PTPRS: variants seen among roughly 807,000 people sequenced by gnomAD.
PTPRS encodes the protein receptor-type tyrosine-protein phosphatase S.
A neutral mutation model predicts 215.3 loss-of-function variants in PTPRS; 63 were observed. The observed-to-expected ratio is 0.29, with a 90% CI of 0.24 to 0.36. The LOEUF (loss-of-function observed/expected upper bound fraction) is 0.36, where lower values mean the gene tolerates loss of function less well. PTPRS is among the 10% of genes least tolerant of loss of function. The pLI is 1.00. For synonymous variants in PTPRS, 1,404 were observed against 1,191.4 expected, an observed-to-expected ratio of 1.18 and a Z score of -3.68; for missense variants, 2,258 against 2,825.8, an observed-to-expected ratio of 0.80 and a Z score of 4.56.
chr19:5,228,772 T>C (rs1444263740), intron 16 of PTPRS, among the ~76,000 whole-genome samples: 1 of 152,236 alleles, frequency 6.6e-6, no homozygotes, highest in Non-Finnish European at 1.5e-5. Flanking sequence ...AATTCCTCTC[T>C]GGTTTAAAGC....
intron 16 of PTPRS, among the ~76,000 whole-genome samples, chr19:5,226,760 T>A (rs563942440): frequency 6.9e-6 from 1 of 145,966 alleles, no homozygotes; most frequent in Admixed American, 6.7e-5. Flanking sequence ...AATAAATAAA[T>A]AAACTGTATA....
Position 5,226,740 on chromosome 19 carries a change from CTG to C in PTPRS, c.2377-898_2377-897del, listed in dbSNP as rs879796187. On this transcript the variant is annotated intron_variant, in intron 16 of 37. Transcript: ENST00000262963. ...CTCCAGCCTGGGTGACAGAGCAAGA[CTG>C]TCTCAAAAATAAATAAATAAACTGT... 2.0e-4 allele frequency among the ~76,000 whole-genome samples: 30 copies of C among 148,560 alleles called. 1 individual carries two copies. Among genetic ancestry groups the C allele is most frequent in the Admixed American group, 5.3e-4 (8 of 15,142 alleles).
At chr19:5,262,432 T>A (rs2046073317) in intron 6 of PTPRS, among the ~76,000 whole-genome samples, 1 of 152,164 alleles carries the variant, frequency 6.6e-6, no homozygotes. Context: ...CTCACTTTAG[T>A]ATGAATTAGT....
intron 1 of PTPRS, among the ~76,000 whole-genome samples, chr19:5,323,041 G>A (rs533314104): frequency 6.6e-6 from 1 of 152,254 alleles, no homozygotes; most frequent in Admixed American, 6.5e-5. Flanking sequence ...TGGTAGAGGA[G>A]GAGAGAAGCA....
chr19:5,289,436 A>G (rs1274750912), intron 1 of PTPRS, among the ~76,000 whole-genome samples: 2 of 152,112 alleles, frequency 1.3e-5, no homozygotes, highest in Non-Finnish European at 2.9e-5. Context: ...ACCAGAAAGC[A>G]TCTGCAAGCA....
rs147597623 is a variant in PTPRS at position 5,278,004 on chromosome 19, A to G, written c.92-3660T>C. 8.5e-4 allele frequency: 1,089 copies of G among 1,278,494 alleles called. 4 individuals carry two copies. The African/African-American group carries it at 0.013, about 15-fold the overall frequency. 79.2% of individuals were successfully genotyped at this position (1,278,494 alleles called of 1,614,324 possible). ...CAAGGAGCTGGAAGTGCTGATGTGCAACAAATCTCCCTGTGCTGAGATCGC... is the reference window on the plus strand; with the variant it reads ...CAAGGAGCTGGAAGTGCTGATGTGCGACAAATCTCCCTGTGCTGAGATCGC... On this transcript the variant is annotated intron_variant, in intron 2 of 37. Transcript: ENST00000262963.
chr19:5,322,238 C>T (rs576776709), intron 1 of PTPRS, among the ~76,000 whole-genome samples: 1 of 152,338 alleles, frequency 6.6e-6, no homozygotes, highest in Admixed American at 6.5e-5. Context: ...GCTGGAGTAT[C>T]CACAGTGACA....
At chr19:5,253,940 T>G (rs1395381143) in intron 9 of PTPRS, among the ~76,000 whole-genome samples, 1 of 152,190 alleles carries the variant, frequency 6.6e-6, no homozygotes, top group Non-Finnish European at 1.5e-5. Flanking sequence ...ACTGTTCAGA[T>G]GAGGAAGTGG....
chr19:5,296,925 G>C (rs557983832), intron 1 of PTPRS, among the ~76,000 whole-genome samples: 2 of 152,210 alleles, frequency 1.3e-5, no homozygotes, highest in African/African-American at 4.8e-5. Context: ...GGCTGGACTG[G>C]GTAGAGGATG....
intron 30 of PTPRS, among the ~76,000 whole-genome samples, chr19:5,213,182 C>T (rs2041085684): frequency 6.6e-6 from 1 of 152,218 alleles, no homozygotes; most frequent in Non-Finnish European, 1.5e-5. Context: ...CTAGACCTAT[C>T]ACCACCCTCT....
intron 4 of PTPRS, among the ~76,000 whole-genome samples, chr19:5,271,898 T>C (rs143125001): frequency 6.6e-6 from 1 of 152,052 alleles, no homozygotes; most frequent in Non-Finnish European, 1.5e-5. Flanking sequence ...CTAATTTTTG[T>C]ATTTTTAGTA....
At chr19:5,233,234 C>T (rs942402709) in intron 13 of PTPRS, among the ~76,000 whole-genome samples, 5 of 151,596 alleles carry the variant, frequency 3.3e-5, no homozygotes, top group South Asian at 2.1e-4. Context: ...AGCAACAGAG[C>T]TCTATTAGAC....
chr19:5,280,832 C>T (rs1319545847), intron 2 of PTPRS, among the ~76,000 whole-genome samples: 1 of 151,546 alleles, frequency 6.6e-6, no homozygotes, highest in Non-Finnish European at 1.5e-5. Context: ...CGCTCTGTTG[C>T]CCAGGCTGGA....
rs980813722 is a variant in PTPRS, at chr19:5,257,462, C to A, written c.706+555G>T. On this transcript the variant is annotated intron_variant, in intron 8 of 37. Transcript: ENST00000262963. This position sits in a 1 kb window ranked among gnomAD's most constrained non-coding sequence, Gnocchi z 4.4. ...GTCATTAGGAAGAGGCAGAAGGCGC[C>A]GGGCTCCGGACCAGCTGGTGGGGGG... is the stretch of plus-strand genomic sequence containing the variant. 6.6e-6 allele frequency: 3 copies of A among 457,750 alleles called. No homozygotes were observed. Among genetic ancestry groups the A allele is most frequent in the Non-Finnish European group, 1.3e-5 (3 of 227,786 alleles). The allele number at this position is 457,750 out of a possible 1,614,324, so 28.4% of individuals were successfully genotyped here. A position where few individuals can be genotyped will look rare whatever the true frequency, so the allele number is the denominator to read the frequency against.
At chr19:5,312,602 A>T (rs2049742540) in intron 1 of PTPRS, among the ~76,000 whole-genome samples, 1 of 152,240 alleles carries the variant, frequency 6.6e-6, no homozygotes, top group Non-Finnish European at 1.5e-5. Flanking sequence ...TGGAGGCGGC[A>T]GTGAGCTATG....
chr19:5,326,591 C>T (rs921385779), intron 1 of PTPRS, among the ~76,000 whole-genome samples: 5 of 151,622 alleles, frequency 3.3e-5, no homozygotes, highest in Admixed American at 6.6e-5. Flanking sequence ...GAGGCTGAGG[C>T]GGGAGGATCG....
chr19:5,313,216 C>T (rs2049765164), intron 1 of PTPRS, among the ~76,000 whole-genome samples: 1 of 152,208 alleles, frequency 6.6e-6, no homozygotes, highest in Non-Finnish European at 1.5e-5. Context: ...CGTGCCCGGT[C>T]CTGGCCTGGG....
At position 5,211,631 on chromosome 19, in the gene PTPRS, C is replaced by T. The variant is rs2145037104; in HGVS notation, c.5193G>A (p.Glu1731=). ...AGCTGGCGTTGATGTAGTCAGAGCCCTCCACACCCCGGATGGGTTGCAGAC... is the reference window on the plus strand; with the variant it reads ...AGCTGGCGTTGATGTAGTCAGAGCCTTCCACACCCCGGATGGGTTGCAGAC... ...RVCLQPIRGV[E]GSDYINASFI... Residue 1731 remains glutamate, a synonymous_variant, in exon 33 of 38, where the codon GAG becomes GAA. Coordinates refer to ENST00000262963, the MANE Select transcript of PTPRS (RefSeq NM_002850.4). 6.2e-7 allele frequency: 1 copy of T among 1,613,786 alleles called. No individual in the cohort carries two copies. The highest frequency in any genetic ancestry group is 8.5e-7 in the Non-Finnish European group (1 of 1,179,748).
At chr19:5,215,698 G>A (rs2041370660) in intron 26 of PTPRS, 103 bp from the exon 27 acceptor site, 2 of 833,852 alleles carry the variant, frequency 2.4e-6, no homozygotes, top group Non-Finnish European at 1.9e-6. Flanking sequence ...TGGGTGAGCT[G>A]TGGTTAGAAG....
Sources: allele counts gnomAD v4.1 joint callset (sites outside exome capture counted in the v4.1 genomes callset), GRCh38; gene constraint gnomAD v4.1.1; non-coding constraint Gnocchi (gnomAD v3.1); transcripts MANE v1.5; gene names NCBI Gene and HGNC (gene_info 2026-07-23, HGNC 2026-07-21).